Variants in LIPA observed in about 807,000 individuals in gnomAD.
LIPA encodes the protein lipase A, lysosomal acid type.
LIPA carries 26 observed loss-of-function variants against 40.6 expected under a neutral mutation model. The observed-to-expected ratio is 0.64, with a 90% CI of 0.47 to 0.89. LIPA has a LOEUF of 0.89. Ranked by LOEUF, LIPA falls within the 40% of genes least tolerant of loss-of-function variation. The probability of loss-of-function intolerance (pLI) is 0.00; values close to 1 mark genes in which losing one functional copy is unlikely to be tolerated. For missense variants in LIPA, 455 were observed against 479.6 expected (o/e 0.95, Z 0.48); for synonymous variants, 188 against 168.4 (o/e 1.12, Z -0.90).
chr10:89,405,827 A>C (rs1452406164), intron 2 of LIPA: 1 of 152,224 alleles, frequency 6.6e-6, no homozygotes, highest in Non-Finnish European at 1.5e-5. Flanking sequence ...TAACATCTGC[A>C]AAGTCCCTTT....
At chr10:89,288,706 A>C (rs2133504607) in intron 1 of LIPA, among the ~76,000 whole-genome samples, 1 of 152,172 alleles carries the variant, frequency 6.6e-6, no homozygotes, top group East Asian at 1.9e-4. Context: ...AGGCTATACT[A>C]TAGTATCTTC....
intron 1 of LIPA, chr10:89,338,099 T>C (rs1387473768): frequency 6.6e-6 from 1 of 152,562 alleles, no homozygotes; most frequent in East Asian, 1.9e-4. Flanking sequence ...TTATTTACAA[T>C]GTTTTCAATT....
chr10:89,334,665 G>T (rs191335706), intron 1 of LIPA, among the ~76,000 whole-genome samples: 2,924 of 150,608 alleles, frequency 0.019, 42 homozygotes, highest in African/African-American at 0.037. Flanking sequence ...GCTAATTTTT[G>T]TGTTTTTAGT....
upstream of LIPA, among the ~76,000 whole-genome samples, chr10:89,252,768 T>TGCACTCCA (rs1843146537): frequency 7.1e-6 from 1 of 141,266 alleles, no homozygotes; most frequent in South Asian, 2.2e-4. Flanking sequence ...ATCATGCCAC[T>TGCACTCCA]GCACTCCAGC....
chr10:89,251,106 A>T (rs1564767869), intron 1 of LIPA, among the ~76,000 whole-genome samples: 2 of 152,008 alleles, frequency 1.3e-5, no homozygotes, highest in South Asian at 4.1e-4. Context: ...AATTATTACG[A>T]CTCCCATTTA....
At chr10:89,349,910 A>G (rs1239925763) in intron 2 of LIPA, among the ~76,000 whole-genome samples, 1 of 152,224 alleles carries the variant, frequency 6.6e-6, no homozygotes, top group Admixed American at 6.5e-5. Context: ...TGAAAGCAGA[A>G]TATAAACGTC....
At chr10:89,220,512 C>T (rs1842684746) in intron 8 of LIPA, among the ~76,000 whole-genome samples, 2 of 152,150 alleles carry the variant, frequency 1.3e-5, no homozygotes, top group Non-Finnish European at 2.9e-5. Flanking sequence ...AATCCTCAAT[C>T]TTTGTGAATT....
At chr10:89,293,757 G>C (rs183322053) in intron 1 of LIPA, 2 of 151,558 alleles carry the variant, frequency 1.3e-5, no homozygotes, top group African/African-American at 4.8e-5. Context: ...GTATGAAGAC[G>C]TCAGTGTTAC....
intron 2 of LIPA, among the ~76,000 whole-genome samples, chr10:89,407,792 C>T (rs970670589): frequency 2.6e-5 from 4 of 152,144 alleles, no homozygotes; most frequent in Non-Finnish European, 5.9e-5. Context: ...TCTCGGTCCT[C>T]TTTGTGGTCT....
chr10:89,216,581 T>C (rs1337236269), intron 8 of LIPA, among the ~76,000 whole-genome samples: 1 of 152,006 alleles, frequency 6.6e-6, no homozygotes. Flanking sequence ...AATAAAACAA[T>C]AAAAAATACA....
At chr10:89,251,095 C>T (rs775166683) in intron 1 of LIPA, among the ~76,000 whole-genome samples, 1 of 152,218 alleles carries the variant, frequency 6.6e-6, no homozygotes, top group Non-Finnish European at 1.5e-5. Context: ...CTAATAACAA[C>T]AATTATTACG....
At chr10:89,332,173 G>A (rs1246238089) in intron 1 of LIPA, among the ~76,000 whole-genome samples, 4 of 152,238 alleles carry the variant, frequency 2.6e-5, no homozygotes, top group Non-Finnish European at 5.9e-5. Flanking sequence ...AGAAATTGCA[G>A]TGAGACTAGG....
At chr10:89,339,822 C>CA in intron 1 of LIPA, 1 of 1,614,074 alleles carries the variant, frequency 6.2e-7, no homozygotes, top group Non-Finnish European at 8.5e-7. Context: ...TGTCCATAAG[C>CA]AAAAAATCAA....
chr10:89,229,527 G>A (rs373612885), intron 3 of LIPA, among the ~76,000 whole-genome samples: 1 of 152,152 alleles, frequency 6.6e-6, no homozygotes, highest in Admixed American at 6.5e-5. Context: ...GAGGCGAGTG[G>A]ATCACTTGAG....
At chr10:89,284,703 C>T (rs1457782389) in intron 1 of LIPA, 1 of 152,382 alleles carries the variant, frequency 6.6e-6, no homozygotes, top group Non-Finnish European at 1.5e-5. Context: ...CTTCTGTGTA[C>T]ACCTGTATAC....
chr10:89,318,527 T>C (rs941597841), intron 1 of LIPA, among the ~76,000 whole-genome samples: 2 of 152,162 alleles, frequency 1.3e-5, no homozygotes, highest in African/African-American at 4.8e-5. Context: ...CCTAAATATA[T>C]ATGCACCCAA....
intron 1 of LIPA, among the ~76,000 whole-genome samples, chr10:89,279,231 C>G (rs1224607169): frequency 6.6e-6 from 1 of 152,194 alleles, no homozygotes; most frequent in Non-Finnish European, 1.5e-5. Context: ...GAACCCTGGC[C>G]TTTCACCACC....
intron 8 of LIPA, among the ~76,000 whole-genome samples, chr10:89,219,428 G>A (rs1053609101): frequency 6.6e-6 from 1 of 152,158 alleles, no homozygotes; most frequent in East Asian, 1.9e-4. Flanking sequence ...TTGGCTCTGG[G>A]GAGCTCCGAA....
rs770407719 is a variant in LIPA, at chr10:89,215,021, G to A, written c.1007C>T (p.Pro336Leu). The part of the protein sequence containing the change: ...PTYNVKDMLV[P>L]TAVWSGGHDW... ...GTGACCCCCGCTCCAGACTGCAGTCGGCACAAGCATGTCCTTCACATTGTA... is the reference window on the plus strand; with the variant it reads ...GTGACCCCCGCTCCAGACTGCAGTCAGCACAAGCATGTCCTTCACATTGTA... The change falls in exon 10 of 10, where the codon CCG becomes CTG. Residue 336 changes from proline to leucine, a missense_variant. Coordinates refer to ENST00000336233, the MANE Select transcript of LIPA (RefSeq NM_000235.4). 5.4e-5 allele frequency: 87 copies of A among 1,613,866 alleles called. No individual in the cohort carries two copies. Among genetic ancestry groups the A allele is most frequent in the Non-Finnish European group, 5.9e-5 (70 of 1,179,908 alleles).
Sources: gnomAD v4.1 joint callset for allele counts (sites outside exome capture counted in the v4.1 genomes callset) on GRCh38, gnomAD v4.1.1 for gene constraint, MANE v1.5 for transcripts, NCBI Gene and HGNC (gene_info 2026-07-23, HGNC 2026-07-21) for gene names.